Variants in CTNNBL1 observed in about 807,000 individuals in gnomAD.
The protein encoded by CTNNBL1 is beta-catenin-like protein 1.
In CTNNBL1, 31 loss-of-function variants were observed where a neutral mutation model predicts 72.7. The ratio of observed to expected loss-of-function variants is 0.43; its 90% CI spans 0.32 to 0.58. The LOEUF (loss-of-function observed/expected upper bound fraction) is 0.58. CTNNBL1 is among the 20% of genes least tolerant of loss of function. CTNNBL1 has a pLI of 0.08. For synonymous variants in CTNNBL1, 240 were observed against 267.3 expected, an observed-to-expected ratio of 0.90 and a Z score of 1.00; for missense variants, 534 against 725.1, an observed-to-expected ratio of 0.74 and a Z score of 3.03.
chr20:37,694,711 T>C (rs7272780), intron 1 of CTNNBL1, among the ~76,000 whole-genome samples: 4,504 of 152,338 alleles, frequency 0.03, 211 homozygotes, highest in African/African-American at 0.1. Context: ...TTGTGTTTAC[T>C]GCGATTTGCA....
intron 10 of CTNNBL1, among the ~76,000 whole-genome samples, chr20:37,787,597 G>A (rs527445040): frequency 2.6e-5 from 4 of 152,178 alleles, no homozygotes; most frequent in Non-Finnish European, 5.9e-5. Context: ...GCACGCCTTG[G>A]CCTCCCAAAG....
intron 10 of CTNNBL1, among the ~76,000 whole-genome samples, chr20:37,786,140 G>C (rs2073671549): frequency 6.6e-6 from 1 of 152,176 alleles, no homozygotes; most frequent in South Asian, 2.1e-4. Context: ...TGAGCTGCCT[G>C]GTGCTGGGGG....
At chr20:37,733,261 G>C (rs1373580397) in intron 2 of CTNNBL1, among the ~76,000 whole-genome samples, 194 bp downstream of exon 2, 4 of 152,180 alleles carry the variant, frequency 2.6e-5, no homozygotes, top group Admixed American at 2.0e-4. Context: ...TGTAAAGAAT[G>C]TGACAGAGTT....
chr20:37,823,139 T>A (rs2072124930), intron 11 of CTNNBL1, among the ~76,000 whole-genome samples: 1 of 152,236 alleles, frequency 6.6e-6, no homozygotes, highest in African/African-American at 2.4e-5. Flanking sequence ...CTCCTCTCTG[T>A]GATGAGTCTG....
intron 10 of CTNNBL1, among the ~76,000 whole-genome samples, chr20:37,798,222 C>T (rs2073795377): frequency 6.6e-6 from 1 of 152,174 alleles, no homozygotes. Flanking sequence ...CAAAGAAAAT[C>T]ATACTCAGAA....
chr20:37,844,914 C>T (rs1028927784), intron 13 of CTNNBL1, among the ~76,000 whole-genome samples: 23 of 152,182 alleles, frequency 1.5e-4, no homozygotes, highest in Admixed American at 1.1e-3. Context: ...TGCCACTGCA[C>T]TCCAGCCTGG....
intron 1 of CTNNBL1, among the ~76,000 whole-genome samples, chr20:37,719,687 A>G (rs1481769202): frequency 6.6e-6 from 1 of 152,156 alleles, no homozygotes; most frequent in Non-Finnish European, 1.5e-5. Context: ...TTACTTTTTA[A>G]ATGTAATAAC....
intron 11 of CTNNBL1, among the ~76,000 whole-genome samples, chr20:37,835,470 A>G (rs574084292): frequency 1.3e-5 from 2 of 152,324 alleles, no homozygotes; most frequent in African/African-American, 2.4e-5. Flanking sequence ...GGCTGTCACA[A>G]TTACTAAGTT....
intron 13 of CTNNBL1, among the ~76,000 whole-genome samples, chr20:37,849,147 G>A (rs2072372733): frequency 6.6e-6 from 1 of 152,018 alleles, no homozygotes. Flanking sequence ...TTACATTCAG[G>A]CTACCATCAT....
At chr20:37,812,770 G>A (rs866131081) in intron 11 of CTNNBL1, among the ~76,000 whole-genome samples, 1 of 152,198 alleles carries the variant, frequency 6.6e-6, no homozygotes, top group East Asian at 1.9e-4. Flanking sequence ...AGGTAAAAAT[G>A]TAAGGTGAAT....
chr20:37,706,483 T>G (rs1797833964), intron 1 of CTNNBL1, among the ~76,000 whole-genome samples: 2 of 152,254 alleles, frequency 1.3e-5, no homozygotes, highest in African/African-American at 4.8e-5. Context: ...TAGAAGCCAC[T>G]TTCTTTGCTT....
At chr20:37,718,316 C>T (rs1476122903) in intron 1 of CTNNBL1, among the ~76,000 whole-genome samples, 3 of 102,404 alleles carry the variant, frequency 2.9e-5, no homozygotes, top group African/African-American at 8.8e-5. Context: ...CCGGACGGGG[C>T]GGCTGGCCGG....
chr20:37,850,424 G>A (rs1271018328), intron 13 of CTNNBL1, among the ~76,000 whole-genome samples: 2 of 152,122 alleles, frequency 1.3e-5, no homozygotes, highest in African/African-American at 4.8e-5. Context: ...CTTTATTGTA[G>A]GGTCATTCTG....
intron 11 of CTNNBL1, among the ~76,000 whole-genome samples, chr20:37,836,864 C>T (rs911300002): frequency 6.6e-6 from 1 of 152,092 alleles, no homozygotes; most frequent in Non-Finnish European, 1.5e-5. Flanking sequence ...CTCAAATAAT[C>T]GATGAGAACT....
intron 11 of CTNNBL1, among the ~76,000 whole-genome samples, chr20:37,832,527 G>A (rs1422331170): frequency 6.6e-6 from 1 of 152,156 alleles, no homozygotes; most frequent in East Asian, 1.9e-4. Context: ...CCATGCTTGT[G>A]GCTTAACCAG....
At chr20:37,836,055 A>G (rs977475342) in intron 11 of CTNNBL1, among the ~76,000 whole-genome samples, 1 of 152,236 alleles carries the variant, frequency 6.6e-6, no homozygotes, top group African/African-American at 2.4e-5. Flanking sequence ...TTTTTACCTC[A>G]TACATCCATT....
intron 15 of CTNNBL1, 60 bp from the exon 16 acceptor site, chr20:37,871,865 C>T (rs139263170): frequency 3.1e-4 from 447 of 1,450,200 alleles, no homozygotes; most frequent in African/African-American, 2.5e-3. Context: ...TATGAAGCGA[C>T]GCAGCCACGG....
At chr20:37,794,231 T>C (rs1311336509) in intron 10 of CTNNBL1, among the ~76,000 whole-genome samples, 1 of 152,234 alleles carries the variant, frequency 6.6e-6, no homozygotes, top group African/African-American at 2.4e-5. Flanking sequence ...CCTAAATGAC[T>C]TCCTTTAACA....
chr20:37,765,796 T>G (rs542160938), intron 6 of CTNNBL1, among the ~76,000 whole-genome samples: 2 of 152,300 alleles, frequency 1.3e-5, no homozygotes, highest in Non-Finnish European at 2.9e-5. Context: ...TGCTACTACT[T>G]GGCTGTCCCT....
Sources: allele counts gnomAD v4.1 joint callset (sites outside exome capture counted in the v4.1 genomes callset), GRCh38; gene constraint gnomAD v4.1.1; transcripts MANE v1.5; gene names NCBI Gene and HGNC (gene_info 2026-07-23, HGNC 2026-07-21).